Variants in HCN1 observed in about 807,000 individuals in gnomAD.
HCN1 encodes the protein potassium/sodium hyperpolarization-activated cyclic nucleotide-gated channel 1.
A neutral mutation model predicts 78.9 loss-of-function variants in HCN1; 13 were observed. That is an observed-to-expected ratio of 0.16 (90% CI 0.11 to 0.26). The LOEUF is 0.26. Ranked by LOEUF, HCN1 falls within the 10% of genes least tolerant of loss-of-function variation. HCN1 has a pLI of 1.00. For synonymous variants in HCN1, 552 were observed against 455.5 expected (o/e 1.21, Z -2.70); for missense variants, 810 against 1,154.3 (o/e 0.70, Z 4.32).
At chr5:45,654,878 C>T (rs542263615) in intron 1 of HCN1, among the ~76,000 whole-genome samples, 1 of 152,242 alleles carries the variant, frequency 6.6e-6, no homozygotes, top group South Asian at 2.1e-4. Context: ...TCCCTCATTG[C>T]TATTGTAATC....
chr5:45,434,297 G>A (rs1291967868), intron 3 of HCN1, among the ~76,000 whole-genome samples: 1 of 152,108 alleles, frequency 6.6e-6, no homozygotes, highest in Non-Finnish European at 1.5e-5. Context: ...TAATACCCTT[G>A]GAGACACACT....
intron 3 of HCN1, among the ~76,000 whole-genome samples, chr5:45,435,480 G>T (rs2112081231): frequency 6.6e-6 from 1 of 152,166 alleles, no homozygotes; most frequent in East Asian, 1.9e-4. Flanking sequence ...CTAGGTTCTA[G>T]ACAATTAGAA....
At chr5:45,638,792 C>T (rs1372805733) in intron 2 of HCN1, among the ~76,000 whole-genome samples, 1 of 152,096 alleles carries the variant, frequency 6.6e-6, no homozygotes, top group Non-Finnish European at 1.5e-5. Flanking sequence ...ATCCCAGCTA[C>T]TCAGGAGGCT....
chr5:45,458,834 G>A (rs565236501), intron 3 of HCN1, among the ~76,000 whole-genome samples: 25 of 152,200 alleles, frequency 1.6e-4, no homozygotes, highest in Non-Finnish European at 2.9e-4. Flanking sequence ...GACCAAATAA[G>A]ATAGCATCCT....
intron 3 of HCN1, among the ~76,000 whole-genome samples, chr5:45,440,002 T>C (rs1040839003): frequency 6.2e-4 from 92 of 148,364 alleles, no homozygotes; most frequent in African/African-American, 2.2e-3. Flanking sequence ...GATAATATTA[T>C]ATAATGTATT....
chr5:45,442,364 A>G (rs546749350), intron 3 of HCN1, among the ~76,000 whole-genome samples: 2 of 152,244 alleles, frequency 1.3e-5, no homozygotes, highest in South Asian at 2.1e-4. Context: ...GTTCTCAACC[A>G]TAAGAACATA....
chr5:45,529,530 G>A (rs1742798124), intron 2 of HCN1, among the ~76,000 whole-genome samples: 1 of 152,110 alleles, frequency 6.6e-6, no homozygotes, highest in Non-Finnish European at 1.5e-5. Context: ...AATCTGCAGG[G>A]AAGGCGTTAG....
intron 2 of HCN1, among the ~76,000 whole-genome samples, chr5:45,611,267 T>A (rs1483597679): frequency 1.3e-5 from 2 of 148,452 alleles, no homozygotes; most frequent in Non-Finnish European, 3.0e-5. Flanking sequence ...TTTTATCTTT[T>A]TCTTTTTTTT....
chr5:45,527,167 A>C (rs567283130), intron 2 of HCN1, among the ~76,000 whole-genome samples: 1 of 137,410 alleles, frequency 7.3e-6, no homozygotes, highest in Non-Finnish European at 1.6e-5. Flanking sequence ...TTCACATTTT[A>C]AATGTCTCTT....
At chr5:45,636,425 C>CAG (rs1462888818) in intron 2 of HCN1, among the ~76,000 whole-genome samples, 1 of 152,098 alleles carries the variant, frequency 6.6e-6, no homozygotes, top group Non-Finnish European at 1.5e-5. Flanking sequence ...TCTGCATGCA[C>CAG]AGAGAAAGGA....
At chr5:45,368,882 TC>T (rs1035956667) in intron 4 of HCN1, among the ~76,000 whole-genome samples, 2 of 152,004 alleles carry the variant, frequency 1.3e-5, no homozygotes, top group Non-Finnish European at 1.5e-5. Context: ...TAAAATAACA[TC>T]CATAAATTAA....
At chr5:45,481,267 A>C (rs1741645290) in intron 2 of HCN1, among the ~76,000 whole-genome samples, 1 of 152,184 alleles carries the variant, frequency 6.6e-6, no homozygotes, top group African/African-American at 2.4e-5. Flanking sequence ...GAACACCAAC[A>C]AGGATGTATA....
intron 4 of HCN1, among the ~76,000 whole-genome samples, chr5:45,356,209 A>G (rs1432680681): frequency 6.6e-6 from 1 of 152,014 alleles, no homozygotes; most frequent in East Asian, 1.9e-4. Flanking sequence ...ATGACTTAGT[A>G]TATTTAGTAG....
chr5:45,667,926 C>T (rs1746082005), intron 1 of HCN1, among the ~76,000 whole-genome samples: 1 of 151,904 alleles, frequency 6.6e-6, no homozygotes, highest in Non-Finnish European at 1.5e-5. Context: ...GTTGTTCATT[C>T]TATGTTTACA....
intron 2 of HCN1, among the ~76,000 whole-genome samples, chr5:45,508,157 A>G (rs1742345024): frequency 6.6e-6 from 1 of 152,142 alleles, no homozygotes; most frequent in African/African-American, 2.4e-5. Flanking sequence ...TAGAAATATT[A>G]CTAACTCTTA....
At chr5:45,483,453 T>C (rs1741694526) in intron 2 of HCN1, among the ~76,000 whole-genome samples, 1 of 152,122 alleles carries the variant, frequency 6.6e-6, no homozygotes, top group Admixed American at 6.6e-5. Flanking sequence ...GTTTGCCCAT[T>C]TTTAAAATGG....
rs980631751 is a variant in HCN1 at position 45,696,109 on chromosome 5, C to CCGGCGA, written c.-22_-17dup. ...CTCCTTCCATGCCCGGAGGACGCGG[C>CCGGCGA]CGGCGACGGCGCGGGCTCCAGACTC... On this transcript the variant is annotated 5_prime_UTR_variant, in exon 1 of 8. Transcript: ENST00000303230. 2 of 1,325,122 alleles carry CCGGCGA rather than the reference C, an allele frequency of 1.5e-6. No homozygotes were observed. The highest frequency in any genetic ancestry group is 5.5e-5 in the Admixed American group (2 of 36,416). The allele number at this position is 1,325,122 out of a possible 1,614,324, so 82.1% of individuals were successfully genotyped here. A position where few individuals can be genotyped will look rare whatever the true frequency, so the allele number is the denominator to read the frequency against.
At chr5:45,350,224 A>G (rs1005732373) in intron 5 of HCN1, among the ~76,000 whole-genome samples, 1 of 152,172 alleles carries the variant, frequency 6.6e-6, no homozygotes, top group African/African-American at 2.4e-5. Context: ...TTCAATATAT[A>G]CAAATCAATA....
intron 2 of HCN1, among the ~76,000 whole-genome samples, chr5:45,536,547 T>C (rs1561192761): frequency 1.3e-5 from 2 of 152,214 alleles, no homozygotes; most frequent in Admixed American, 6.5e-5. Context: ...CTTATATTTC[T>C]TTGTTGAGAT....
Sources: gnomAD v4.1 joint callset for allele counts (sites outside exome capture counted in the v4.1 genomes callset) on GRCh38, gnomAD v4.1.1 for gene constraint, MANE v1.5 for transcripts, NCBI Gene and HGNC (gene_info 2026-07-23, HGNC 2026-07-21) for gene names.